LHFPL3: variants seen among roughly 807,000 people sequenced by gnomAD.
The protein encoded by LHFPL3 is LHFPL tetraspan subfamily member 3.
LHFPL3 carries 5 observed loss-of-function variants against 19.3 expected under a neutral mutation model. That is an observed-to-expected ratio of 0.26 (90% CI 0.14 to 0.54). The LOEUF is 0.54. LHFPL3 is among the 20% of genes least tolerant of loss of function. The pLI, the probability that LHFPL3 is intolerant of heterozygous loss-of-function variation, is 0.94. For synonymous variants in LHFPL3, 133 were observed against 126.2 expected (o/e 1.05, Z -0.36); for missense variants, 249 against 307.4 (o/e 0.81, Z 1.42).
At chr7:104,678,642 T>C (rs1396377565) in intron 1 of LHFPL3, among the ~76,000 whole-genome samples, 1 of 152,190 alleles carries the variant, frequency 6.6e-6, no homozygotes, top group Non-Finnish European at 1.5e-5. Flanking sequence ...GTAATGTAAC[T>C]GTTATACTCT....
chr7:104,891,479 A>T (rs897331137), intron 2 of LHFPL3, among the ~76,000 whole-genome samples: 15 of 152,172 alleles, frequency 9.9e-5, no homozygotes, highest in African/African-American at 3.6e-4. Context: ...GCATTAATCC[A>T]TCATGACCCC....
At chr7:104,905,215 C>T (rs1792573828) in intron 2 of LHFPL3, among the ~76,000 whole-genome samples, 1 of 152,058 alleles carries the variant, frequency 6.6e-6, no homozygotes, top group Admixed American at 6.6e-5. Flanking sequence ...CTCAGCTTCC[C>T]AAAATGCTGG....
chr7:104,762,326 G>C (rs1050925345), intron 2 of LHFPL3, among the ~76,000 whole-genome samples: 1 of 152,166 alleles, frequency 6.6e-6, no homozygotes. Flanking sequence ...TGATAGTTCA[G>C]GCAAGCAATA....
chr7:104,438,802 C>T (rs1023557714), intron 1 of LHFPL3, among the ~76,000 whole-genome samples: 21 of 147,990 alleles, frequency 1.4e-4, no homozygotes, highest in Non-Finnish European at 2.5e-4. Flanking sequence ...ATTTAACAAA[C>T]CAAAAGTTGA....
chr7:104,677,193 C>G (rs984067896), intron 1 of LHFPL3, among the ~76,000 whole-genome samples: 1 of 151,908 alleles, frequency 6.6e-6, no homozygotes, highest in Non-Finnish European at 1.5e-5. Context: ...CTGGGCAACA[C>G]AGTGAGATCT....
At chr7:104,370,315 A>G (rs1409429815) in intron 1 of LHFPL3, among the ~76,000 whole-genome samples, 2 of 152,148 alleles carry the variant, frequency 1.3e-5, no homozygotes, top group African/African-American at 2.4e-5. Flanking sequence ...TGCTGCACCG[A>G]CTGGATAAGG....
At chr7:104,423,181 G>A (rs890001363) in intron 1 of LHFPL3, among the ~76,000 whole-genome samples, 5 of 152,200 alleles carry the variant, frequency 3.3e-5, no homozygotes, top group African/African-American at 1.2e-4. Flanking sequence ...GGCAGAGGCA[G>A]CAGGGATGCA....
In LHFPL3 at chr7:104,399,770, C is replaced by T. The variant is rs1791274356; in HGVS notation, c.445+70546C>T. Among the ~76,000 whole-genome samples the T allele has an allele frequency of 6.6e-6, 1 of 151,514 alleles. No homozygotes were observed. Among genetic ancestry groups the T allele is most frequent in the Non-Finnish European group, 1.5e-5 (1 of 67,888 alleles). On this transcript the variant is annotated intron_variant, in intron 1 of 2. Transcript: ENST00000424859. The surrounding 1 kb of genome is among the most constrained non-coding windows in gnomAD (Gnocchi z 4.4). ...TACAGTTGTAAGCCACTGCGCCCGG[C>T]CATATGTTCTTCTGTCCTTAAGGTA...
intron 2 of LHFPL3, among the ~76,000 whole-genome samples, chr7:104,867,445 A>G (rs548811874): frequency 2.0e-5 from 3 of 152,294 alleles, no homozygotes; most frequent in East Asian, 1.9e-4. Flanking sequence ...GAATACTATA[A>G]ACAACTCTAT....
At chr7:104,533,204 T>C (rs1303568840) in intron 1 of LHFPL3, among the ~76,000 whole-genome samples, 1 of 152,234 alleles carries the variant, frequency 6.6e-6, no homozygotes, top group Non-Finnish European at 1.5e-5. Flanking sequence ...CTGCCAGCAC[T>C]GGATATGAGT....
chr7:104,533,391 C>T (rs1794338779), intron 1 of LHFPL3, among the ~76,000 whole-genome samples: 1 of 152,108 alleles, frequency 6.6e-6, no homozygotes, highest in Non-Finnish European at 1.5e-5. Flanking sequence ...TCTTCTGTTC[C>T]CCTCCCAGGA....
intron 1 of LHFPL3, among the ~76,000 whole-genome samples, chr7:104,384,101 A>G (rs1301993731): frequency 1.3e-5 from 2 of 150,754 alleles, no homozygotes; most frequent in Non-Finnish European, 3.0e-5. Flanking sequence ...GAATAAGTTA[A>G]ACAGGGGACA....
At chr7:104,833,055 T>TATTATATATAATAGATATATTA (rs1439807646) in intron 2 of LHFPL3, among the ~76,000 whole-genome samples, 1 of 33,394 alleles carries the variant, frequency 3.0e-5, no homozygotes, top group Non-Finnish European at 5.7e-5. Flanking sequence ...TATATATATA[T>TATTATATATAATAGATATATTA]TATATATAAT....
chr7:104,787,920 C>T (rs997635415), intron 2 of LHFPL3, among the ~76,000 whole-genome samples: 3 of 152,116 alleles, frequency 2.0e-5, no homozygotes, highest in Admixed American at 1.3e-4. Context: ...CCCCTAATAC[C>T]GTCATGTTGG....
chr7:104,430,262 T>G (rs1791933132), intron 1 of LHFPL3, among the ~76,000 whole-genome samples: 2 of 148,934 alleles, frequency 1.3e-5, no homozygotes, highest in African/African-American at 2.5e-5. Flanking sequence ...TAGGAAAGTA[T>G]GGACCAAGAC....
chr7:104,532,178 A>G (rs1227093876), intron 1 of LHFPL3, among the ~76,000 whole-genome samples: 6 of 151,990 alleles, frequency 3.9e-5, no homozygotes, highest in African/African-American at 1.4e-4. Flanking sequence ...ATGCAGTGCT[A>G]CAATCATAGC....
chr7:104,420,627 T>C (rs1791712041), intron 1 of LHFPL3, among the ~76,000 whole-genome samples: 2 of 145,022 alleles, frequency 1.4e-5, no homozygotes, highest in Non-Finnish European at 3.0e-5. Flanking sequence ...TGGCGCGATC[T>C]CGGCTCACTG....
chr7:104,498,147 C>T (rs1241804292), intron 1 of LHFPL3, among the ~76,000 whole-genome samples: 1 of 152,194 alleles, frequency 6.6e-6, no homozygotes, highest in South Asian at 2.1e-4. Context: ...GCCTGTACCA[C>T]AGGGCTATTG....
chr7:104,579,722 A>G (rs1298318041), intron 1 of LHFPL3, among the ~76,000 whole-genome samples: 1 of 152,194 alleles, frequency 6.6e-6, no homozygotes, highest in Non-Finnish European at 1.5e-5. Context: ...TGGAACTCTA[A>G]TGAGAAAACT....
Sources: allele counts gnomAD v4.1 joint callset (sites outside exome capture counted in the v4.1 genomes callset), GRCh38; gene constraint gnomAD v4.1.1; non-coding constraint Gnocchi (gnomAD v3.1); transcripts MANE v1.5; gene names NCBI Gene and HGNC (gene_info 2026-07-23, HGNC 2026-07-21).